RAB27B: variants seen among roughly 807,000 people sequenced by gnomAD.
The protein encoded by RAB27B is RAB27B, member RAS oncogene family.
In RAB27B, 15 loss-of-function variants were observed where a neutral mutation model predicts 24.6. The ratio of observed to expected loss-of-function variants is 0.61; its 90% CI spans 0.41 to 0.94. The LOEUF (loss-of-function observed/expected upper bound fraction) is 0.94. Among genes scored for constraint, RAB27B ranks in the 40% least tolerant of loss-of-function variants. The pLI, the probability that RAB27B is intolerant of heterozygous loss-of-function variation, is 0.00. For synonymous variants in RAB27B, 105 were observed against 92.5 expected (o/e 1.14, Z -0.78); for missense variants, 261 against 266.8 (o/e 0.98, Z 0.15).
chr18:54,887,925 G>A (rs1946197746), intron 4 of RAB27B, 70 bp from the exon 5 acceptor site: 5 of 1,539,530 alleles, frequency 3.2e-6, no homozygotes, highest in Non-Finnish European at 4.4e-6. Context: ...CAGGAATCTG[G>A]AATAAGAGCA....
chr18:54,820,709 G>A (rs1293699279), intron 2 of RAB27B, among the ~76,000 whole-genome samples: 1 of 152,178 alleles, frequency 6.6e-6, no homozygotes, highest in African/African-American at 2.4e-5. Context: ...TGTCCTGAAT[G>A]GTATTGCCTG....
intron 3 of RAB27B, among the ~76,000 whole-genome samples, chr18:54,881,359 G>A (rs376249674): frequency 2.0e-5 from 3 of 152,200 alleles, no homozygotes; most frequent in South Asian, 4.2e-4. Context: ...GTCCTTGGAC[G>A]TGGGCAGTTA....
At chr18:54,869,749 A>T (rs1001675523) in intron 1 of RAB27B, among the ~76,000 whole-genome samples, 6 of 152,240 alleles carry the variant, frequency 3.9e-5, no homozygotes, top group Non-Finnish European at 8.8e-5. Flanking sequence ...GCCTTCCACA[A>T]ATAGGTTCAA....
intron 1 of RAB27B, among the ~76,000 whole-genome samples, chr18:54,861,359 A>C (rs780003385): frequency 6.6e-6 from 1 of 152,228 alleles, no homozygotes; most frequent in Non-Finnish European, 1.5e-5. Flanking sequence ...TATACATTTA[A>C]TATCCTTTCA....
upstream of RAB27B, among the ~76,000 whole-genome samples, chr18:54,827,768 C>T (rs1304975665): frequency 6.6e-6 from 1 of 152,146 alleles, no homozygotes; most frequent in Non-Finnish European, 1.5e-5. Flanking sequence ...CTTACCTTTA[C>T]TACCAGTCTG....
intron 2 of RAB27B, among the ~76,000 whole-genome samples, chr18:54,799,155 G>GTGAC (rs1242609931): frequency 6.6e-6 from 1 of 152,036 alleles, no homozygotes; most frequent in African/African-American, 2.4e-5. Flanking sequence ...AACTAAAATT[G>GTGAC]TGACTCATTA....
chr18:54,720,692 G>C (rs1909331804), intron 2 of RAB27B, among the ~76,000 whole-genome samples: 1 of 152,052 alleles, frequency 6.6e-6, no homozygotes, highest in Non-Finnish European at 1.5e-5. Context: ...TCTCCTAGTA[G>C]AAACCACAGA....
chr18:54,779,991 AGGGCTTCCCCCTCACCG>A (rs1908843138), intron 2 of RAB27B, among the ~76,000 whole-genome samples: 1 of 144,570 alleles, frequency 6.9e-6, no homozygotes, highest in African/African-American at 2.7e-5. Context: ...CCCTCTCCTG[AGGGCTTCCCCCTCACCG>A]TGTCTCCCTT....
chr18:54,804,904 C>CTCTCTCTTTCTTTCTTTCTTTCTT (rs1555658012), intron 2 of RAB27B, among the ~76,000 whole-genome samples: 2 of 48,022 alleles, frequency 4.2e-5, no homozygotes, highest in South Asian at 6.6e-4. Flanking sequence ...CTTTCTCTCT[C>CTCTCTCTTTCTTTCTTTCTTTCTT]TCTTTCTTTC....
chr18:54,884,316 C>T lies in RAB27B; in HGVS notation c.240-17C>T, dbSNP rs1598994268. On this transcript the variant is annotated splice_polypyrimidine_tract_variant and intron_variant, in intron 3 of 5. Transcript: ENST00000262094. ...GTGGACTAACTTTCAGAACTACCCA[C>T]TGTGTTTCCTTGGCAGGTTCCGGAG... The T allele has an allele frequency of 3.9e-6, 6 of 1,519,014 alleles. No individual in the cohort carries two copies. The East Asian group carries it at 1.4e-4, about 34-fold the overall frequency. The allele number at this position is 1,519,014 out of a possible 1,614,324, so 94.1% of individuals were successfully genotyped here.
chr18:54,733,856 G>T (rs1051692617), intron 2 of RAB27B, among the ~76,000 whole-genome samples: 3 of 150,536 alleles, frequency 2.0e-5, no homozygotes, highest in African/African-American at 7.3e-5. Context: ...GATTTAGGCG[G>T]TTAAGTTCTG....
rs191386125 is a variant in RAB27B at position 54,892,058 on chromosome 18, A to C, written c.*2645A>C. Reference sequence around the variant, plus strand: ...TACAATTTCAAATTGTTCTGGTGCCATAAAGTATACAGACTACTTTAAAGA... The same window carrying C: ...TACAATTTCAAATTGTTCTGGTGCCCTAAAGTATACAGACTACTTTAAAGA... On this transcript the variant is annotated 3_prime_UTR_variant, in exon 6 of 6. Coordinates refer to ENST00000262094, the MANE Select transcript of RAB27B (RefSeq NM_004163.4). The C allele has an allele frequency of 2.8e-4, 43 of 152,198 alleles. No homozygotes were observed. The highest frequency in any genetic ancestry group is 1.0e-3 in the African/African-American group (42 of 41,548). The allele number at this position is 152,198 out of a possible 1,614,324, so 9.4% of individuals were successfully genotyped here. A position where few individuals can be genotyped will look rare whatever the true frequency, so the allele number is the denominator to read the frequency against.
chr18:54,779,564 G>T (rs1421188944), intron 2 of RAB27B, among the ~76,000 whole-genome samples: 1 of 151,952 alleles, frequency 6.6e-6, no homozygotes. Flanking sequence ...CAGCCAGGGA[G>T]GAATCTACAC....
intron 1 of RAB27B, among the ~76,000 whole-genome samples, chr18:54,841,184 G>C (rs1038457917): frequency 4.2e-5 from 6 of 144,046 alleles, no homozygotes; most frequent in Admixed American, 7.0e-5. Flanking sequence ...TGAGAGGGGC[G>C]GGAAAAATAC....
Position 54,754,067 on chromosome 18 carries a change from C to T in RAB27B, c.-20+35926C>T, listed in dbSNP as rs115477912. On this transcript the variant is annotated intron_variant, in intron 2 of 4. Coordinates refer to the RAB27B transcript ENST00000586570. Reference sequence around the variant, plus strand: ...AAATTGCATTAATGATATGGTTTGGCTCTGTGTCCCCACCTAACTCTCATC... The same window carrying T: ...AAATTGCATTAATGATATGGTTTGGTTCTGTGTCCCCACCTAACTCTCATC... 6.0e-3 allele frequency among the ~76,000 whole-genome samples: 908 copies of T among 152,254 alleles called. 4 individuals carry two copies. The highest frequency in any genetic ancestry group is 0.021 in the African/African-American group (884 of 41,540).
intron 2 of RAB27B, among the ~76,000 whole-genome samples, chr18:54,767,261 C>T (rs1908392514): frequency 6.6e-6 from 1 of 152,136 alleles, no homozygotes; most frequent in East Asian, 1.9e-4. Context: ...GGGTAAATAA[C>T]ATGGAAAGGC....
chr18:54,876,143 T>C (rs1338556592), intron 1 of RAB27B, among the ~76,000 whole-genome samples: 2 of 151,810 alleles, frequency 1.3e-5, no homozygotes, highest in African/African-American at 4.8e-5. Flanking sequence ...GAGAGAGAGA[T>C]AGCAAAGGGG....
intron 1 of RAB27B, among the ~76,000 whole-genome samples, chr18:54,870,683 C>T (rs1355878688): frequency 6.6e-6 from 1 of 152,126 alleles, no homozygotes; most frequent in East Asian, 1.9e-4. Flanking sequence ...TAGGTTAAAA[C>T]ATCATTAACA....
chr18:54,849,188 G>A (rs965398515), intron 1 of RAB27B, among the ~76,000 whole-genome samples: 8 of 152,090 alleles, frequency 5.3e-5, no homozygotes, highest in Admixed American at 4.6e-4. Context: ...TGGTACACTC[G>A]GGCTAGAGAG....
Sources: gnomAD v4.1 joint callset for allele counts (sites outside exome capture counted in the v4.1 genomes callset) on GRCh38, gnomAD v4.1.1 for gene constraint, MANE v1.5 for transcripts, NCBI Gene and HGNC (gene_info 2026-07-23, HGNC 2026-07-21) for gene names.